Variants in ADCY2 observed in about 807,000 individuals in gnomAD.
ADCY2 encodes the protein adenylate cyclase 2, also known as adenylate cyclase type 2.
ADCY2 carries 31 observed loss-of-function variants against 125.2 expected under a neutral mutation model. That is an observed-to-expected ratio of 0.25 (90% CI 0.19 to 0.33). The LOEUF (loss-of-function observed/expected upper bound fraction) is 0.33, where lower values mean the gene tolerates loss of function less well. Among genes scored for constraint, ADCY2 ranks in the 10% least tolerant of loss-of-function variants. ADCY2 has a pLI of 1.00. For synonymous variants in ADCY2, 512 were observed against 548.4 expected, an observed-to-expected ratio of 0.93 and a Z score of 0.93; for missense variants, 904 against 1,418.2, an observed-to-expected ratio of 0.64 and a Z score of 5.82.
intron 2 of ADCY2, among the ~76,000 whole-genome samples, chr5:7,452,188 C>T (rs544002259): frequency 6.6e-5 from 10 of 152,274 alleles, no homozygotes; most frequent in Non-Finnish European, 1.0e-4. Context: ...GCTGGGATTA[C>T]AGGCATGAGC....
At chr5:7,514,431 A>G (rs1051135784) in intron 2 of ADCY2, among the ~76,000 whole-genome samples, 1 of 152,208 alleles carries the variant, frequency 6.6e-6, no homozygotes, top group Non-Finnish European at 1.5e-5. Flanking sequence ...GATATTATAG[A>G]CACTTGCCTT....
At position 7,439,279 on chromosome 5, in the gene ADCY2, C is replaced by CA. The variant is rs1227481431; in HGVS notation, c.408+24511dup. ...GTTTTACCTGGCTGGGCAGGCCTCACAATCATGGCTCAAGGTGAATGAGGA... is the reference window on the plus strand; with the variant it reads ...GTTTTACCTGGCTGGGCAGGCCTCACAAATCATGGCTCAAGGTGAATGAGGA... On this transcript the variant is annotated intron_variant, in intron 2 of 24. Coordinates refer to ENST00000338316, the MANE Select transcript of ADCY2 (RefSeq NM_020546.3). Among the ~76,000 whole-genome samples the CA allele has an allele frequency of 3.3e-5, 5 of 152,270 alleles. No individual in the cohort carries two copies. In the East Asian group the frequency reaches 5.8e-4, roughly 18 times the overall value.
chr5:7,463,469 G>A (rs937662981), intron 2 of ADCY2, among the ~76,000 whole-genome samples: 15 of 152,128 alleles, frequency 9.9e-5, no homozygotes, highest in African/African-American at 3.4e-4. Flanking sequence ...TACCCAAAGA[G>A]GTGGTGTAAT....
intron 12 of ADCY2, among the ~76,000 whole-genome samples, chr5:7,720,504 T>C (rs1221592205): frequency 6.6e-6 from 1 of 152,052 alleles, no homozygotes; most frequent in Non-Finnish European, 1.5e-5. Context: ...CCCATTAACT[T>C]GTCATTTACA....
intron 4 of ADCY2, among the ~76,000 whole-genome samples, chr5:7,651,996 G>T (rs1739110641): frequency 1.3e-5 from 2 of 152,042 alleles, no homozygotes; most frequent in African/African-American, 4.8e-5. Context: ...AAGGACGGGG[G>T]TTTCACCATG....
At chr5:7,407,766 C>A (rs2126311313) in intron 1 of ADCY2, among the ~76,000 whole-genome samples, 1 of 152,168 alleles carries the variant, frequency 6.6e-6, no homozygotes, top group Middle Eastern at 3.4e-3. Context: ...CGGCCTGGGA[C>A]CCCGTGAGTG....
intron 2 of ADCY2, among the ~76,000 whole-genome samples, chr5:7,438,249 C>T (rs1162135151): frequency 6.6e-6 from 1 of 152,150 alleles, no homozygotes; most frequent in East Asian, 1.9e-4. Context: ...TGCTTACCCA[C>T]CGTTATTTAT....
At chr5:7,413,836 T>C (rs1167688620) in intron 1 of ADCY2, among the ~76,000 whole-genome samples, 1 of 152,184 alleles carries the variant, frequency 6.6e-6, no homozygotes, top group Non-Finnish European at 1.5e-5. Context: ...CTTTGTCATG[T>C]GGTAAGGAAG....
At position 7,615,146 on chromosome 5, in the gene ADCY2, G is replaced by A. The variant is rs143756086; in HGVS notation, c.571-11021G>A. 5.1e-3 allele frequency among the ~76,000 whole-genome samples: 783 copies of A among 152,228 alleles called. 46 individuals carry two copies. In the East Asian group the frequency reaches 0.14, roughly 26 times the overall value. On this transcript the variant is annotated intron_variant, in intron 3 of 24. Transcript: ENST00000338316. ...ATGAGAACTCACTATCACAAGAACAGCAAGGGGGAAATCTGCCCCCATGGT... is the reference window on the plus strand; with the variant it reads ...ATGAGAACTCACTATCACAAGAACAACAAGGGGGAAATCTGCCCCCATGGT...
At chr5:7,583,752 A>T (rs1276084717) in intron 3 of ADCY2, among the ~76,000 whole-genome samples, 1 of 152,130 alleles carries the variant, frequency 6.6e-6, no homozygotes, top group Non-Finnish European at 1.5e-5. Flanking sequence ...TTCAACTTCT[A>T]GGTATGTACC....
chr5:7,518,807 G>A (rs1214240715), intron 2 of ADCY2, among the ~76,000 whole-genome samples: 1 of 152,134 alleles, frequency 6.6e-6, no homozygotes, highest in African/African-American at 2.4e-5. Flanking sequence ...TCCTCCCGGT[G>A]AGGGCAGGTG....
intron 15 of ADCY2, among the ~76,000 whole-genome samples, chr5:7,748,336 T>C (rs1036273802): frequency 1.3e-5 from 2 of 152,168 alleles, no homozygotes; most frequent in Non-Finnish European, 2.9e-5. Context: ...TCTGAAATGC[T>C]TTCTACATCG....
intron 22 of ADCY2, among the ~76,000 whole-genome samples, chr5:7,806,256 A>C (rs1456791473): frequency 6.6e-6 from 1 of 152,186 alleles, no homozygotes; most frequent in East Asian, 1.9e-4. Context: ...CCTGGCTTTC[A>C]TGGAAACAAA....
chr5:7,725,720 G>A (rs866036225), intron 13 of ADCY2, among the ~76,000 whole-genome samples: 2 of 152,292 alleles, frequency 1.3e-5, no homozygotes, highest in Middle Eastern at 3.4e-3. Context: ...ACAAAGGCCT[G>A]AAGAAGTTAA....
chr5:7,488,266 C>T (rs1046810038), intron 2 of ADCY2, among the ~76,000 whole-genome samples: 1 of 152,168 alleles, frequency 6.6e-6, no homozygotes, highest in Non-Finnish European at 1.5e-5. Flanking sequence ...CCATGTAAGA[C>T]ACCCGTTTGC....
intron 23 of ADCY2, among the ~76,000 whole-genome samples, chr5:7,819,537 C>T (rs1410839848): frequency 2.0e-5 from 3 of 152,142 alleles, no homozygotes; most frequent in African/African-American, 7.2e-5. Context: ...TCTACTTTAC[C>T]CTGATTGTCC....
intron 2 of ADCY2, among the ~76,000 whole-genome samples, chr5:7,508,711 G>T (rs938233187): frequency 6.6e-6 from 1 of 152,184 alleles, no homozygotes; most frequent in East Asian, 1.9e-4. Flanking sequence ...TCCATGGCCG[G>T]GTGAGGAAGG....
At chr5:7,724,506 G>C (rs1233092993) in intron 12 of ADCY2, 39 bp from the exon 13 acceptor site, 1 of 1,483,098 alleles carries the variant, frequency 6.7e-7, no homozygotes, top group Non-Finnish European at 9.4e-7. Context: ...TTTGATTGGA[G>C]ATTCAGTTTT....
rs551438446 is a variant in ADCY2, at chr5:7,474,893, C to T, written c.409-45845C>T. On this transcript the variant is annotated intron_variant, in intron 2 of 24. Transcript: ENST00000338316. ...TAGGCCAGTTTAAGAGAAAATAACT[C>T]GGATGATGCAGCCCCCAGGCCAGCC... 1.3e-4 allele frequency among the ~76,000 whole-genome samples: 20 copies of T among 152,316 alleles called. 1 individual carries two copies. In the South Asian group the frequency reaches 1.9e-3, roughly 14 times the overall value.
Sources: gnomAD v4.1 joint callset for allele counts (sites outside exome capture counted in the v4.1 genomes callset) on GRCh38, gnomAD v4.1.1 for gene constraint, MANE v1.5 for transcripts, NCBI Gene and HGNC (gene_info 2026-07-23, HGNC 2026-07-21) for gene names.